The following KREMEN1 variants were observed in gnomAD, a reference collection of about 807,000 sequenced individuals.
KREMEN1 encodes the protein kremen protein 1.
Under a neutral mutation model 46.5 loss-of-function variants are expected in KREMEN1, and 30 were observed. That is an observed-to-expected ratio of 0.65 (90% CI 0.48 to 0.88). The LOEUF (loss-of-function observed/expected upper bound fraction) is 0.88. KREMEN1 is among the 40% of genes least tolerant of loss of function. The pLI is 0.00. For synonymous variants in KREMEN1, 214 were observed against 230.6 expected, an observed-to-expected ratio of 0.93 and a Z score of 0.65; for missense variants, 533 against 596.9, an observed-to-expected ratio of 0.89 and a Z score of 1.11.
chr22:29,131,777 T>G (rs2038562912), intron 5 of KREMEN1, among the ~76,000 whole-genome samples: 1 of 144,304 alleles, frequency 6.9e-6, no homozygotes, highest in Admixed American at 7.1e-5. Flanking sequence ...TGTATATATA[T>G]ATATAGTTTT....
chr22:29,158,503 G>A (rs62236944), intron 9 of KREMEN1, among the ~76,000 whole-genome samples: 3,744 of 152,316 alleles, frequency 0.025, 69 homozygotes, highest in Non-Finnish European at 0.038. Context: ...GCCACCAGCA[G>A]GGCAGCTTCA....
At chr22:29,099,783 C>T (rs1359350425) in intron 3 of KREMEN1, among the ~76,000 whole-genome samples, 2 of 152,056 alleles carry the variant, frequency 1.3e-5, no homozygotes, top group African/African-American at 2.4e-5. Flanking sequence ...CTCTTGACCT[C>T]GTGATCCGCC....
chr22:29,085,701 A>G (rs1321607878), intron 1 of KREMEN1, among the ~76,000 whole-genome samples: 1 of 152,188 alleles, frequency 6.6e-6, no homozygotes, highest in African/African-American at 2.4e-5. Context: ...TAGGCCGGGC[A>G]CAATAGCTCT....
intron 3 of KREMEN1, among the ~76,000 whole-genome samples, chr22:29,101,529 C>T (rs2037976261): frequency 6.6e-6 from 1 of 152,228 alleles, no homozygotes; most frequent in Non-Finnish European, 1.5e-5. Context: ...TCACTCACCA[C>T]TCACTCACTG....
In KREMEN1 at chr22:29,146,491, C is replaced by G. The variant is rs1351452414; in HGVS notation, c.*4379C>G. ...GGTCTTTAGACACAAAGACTGGAGGCCCTTCCCCGCCCGCACGGGAGCTGC... is the reference window on the plus strand; with the variant it reads ...GGTCTTTAGACACAAAGACTGGAGGGCCTTCCCCGCCCGCACGGGAGCTGC... On this transcript the variant is annotated 3_prime_UTR_variant, in exon 9 of 9. Coordinates refer to ENST00000400335, the MANE Select transcript of KREMEN1 (RefSeq NM_001039570.3). The G allele has an allele frequency of 2.0e-6, 2 of 985,402 alleles. No individual in the cohort carries two copies. The highest frequency in any genetic ancestry group is 4.7e-5 in the South Asian group (1 of 21,288). 61.0% of individuals were successfully genotyped at this position (985,402 alleles called of 1,614,324 possible).
intron 5 of KREMEN1, among the ~76,000 whole-genome samples, chr22:29,131,759 T>C (rs2038560798): frequency 8.5e-6 from 1 of 117,134 alleles, no homozygotes. Context: ...TATATATGTA[T>C]ATATATATGT....
At chr22:29,109,347 G>T (rs532499863) in intron 3 of KREMEN1, among the ~76,000 whole-genome samples, 1 of 152,270 alleles carries the variant, frequency 6.6e-6, no homozygotes, top group African/African-American at 2.4e-5. Context: ...GGAAGAAATA[G>T]CCCCTCAATC....
At position 29,120,466 on chromosome 22, in the gene KREMEN1, T is replaced by G. The variant is rs1348158440; in HGVS notation, c.353-891T>G. Among the ~76,000 whole-genome samples, 17 of 89,826 alleles carry G rather than the reference T, an allele frequency of 1.9e-4. 4 individuals are homozygous for G. The highest frequency in any genetic ancestry group is 3.5e-4 in the East Asian group (1 of 2,868). 58.9% of individuals were successfully genotyped at this position (89,826 alleles called of 152,430 possible). On this transcript the variant is annotated intron_variant, in intron 3 of 8. Transcript: ENST00000400335. ...GATGGAAACAGGGAGGAGGGAGACG[T>G]GATGATGGAAACAGGGAGGAAGGAG...
At chr22:29,151,827 TG>T in intron 9 of KREMEN1, among the ~76,000 whole-genome samples, 2 of 152,008 alleles carry the variant, frequency 1.3e-5, no homozygotes, top group Middle Eastern at 6.8e-3. Context: ...CTGGCCAACA[TG>T]GTGAAACCCT....
intron 2 of KREMEN1, among the ~76,000 whole-genome samples, chr22:29,098,150 C>T (rs1000685040): frequency 6.6e-6 from 1 of 151,460 alleles, no homozygotes; most frequent in African/African-American, 2.4e-5. Context: ...CACTGCACTC[C>T]AGCTCAGCCT....
chr22:29,133,303 CT>C (rs745679282), intron 5 of KREMEN1, among the ~76,000 whole-genome samples: 1,842 of 141,626 alleles, frequency 0.013, 28 homozygotes, highest in African/African-American at 0.038. Context: ...TGGTTTTCAA[CT>C]TTTTTTTTTT....
downstream of KREMEN1, among the ~76,000 whole-genome samples, chr22:29,147,842 C>T (rs1405506896): frequency 6.6e-6 from 1 of 152,206 alleles, no homozygotes; most frequent in African/African-American, 2.4e-5. Context: ...ATCCCAGTTC[C>T]ACTGTTCACC....
rs188230552 is a variant in KREMEN1, at chr22:29,102,934, G to T, written c.352+3981G>T. Among the ~76,000 whole-genome samples the T allele has an allele frequency of 1.4e-4, 22 of 152,288 alleles. 1 individual carries two copies. Among genetic ancestry groups the T allele is most frequent in the African/African-American group, 3.9e-4 (16 of 41,556 alleles). On this transcript the variant is annotated intron_variant, in intron 3 of 8. Coordinates refer to ENST00000400335, the MANE Select transcript of KREMEN1 (RefSeq NM_001039570.3). ...TTTGGAAAACCCTTCAGTTTACCCTGTGGGGACCAGGGCTCCCCATCAAGC... is the reference window on the plus strand; with the variant it reads ...TTTGGAAAACCCTTCAGTTTACCCTTTGGGGACCAGGGCTCCCCATCAAGC...
chr22:29,125,201 T>C, intron 4 of KREMEN1, 62 bp from the exon 5 acceptor site: 1 of 1,579,748 alleles, frequency 6.3e-7, no homozygotes, highest in Non-Finnish European at 8.7e-7. Context: ...CCTGCCAGGC[T>C]CCTTCAGGCC....
rs557321744 is a variant in KREMEN1, at chr22:29,106,377, C to A, written c.352+7424C>A. 2.3e-3 allele frequency among the ~76,000 whole-genome samples: 346 copies of A among 151,144 alleles called. 3 individuals carry two copies. The highest frequency in any genetic ancestry group is 8.2e-3 in the African/African-American group (335 of 41,078). On this transcript the variant is annotated intron_variant, in intron 3 of 8. Transcript: ENST00000400335. ...CTGGGACTCCAGGCGCCCGCCATCA[C>A]GCCCAGCTAATTTTTTTTTTTTTTT...
chr22:29,141,591 G>C (rs765056675), intron 8 of KREMEN1, among the ~76,000 whole-genome samples: 11 of 152,178 alleles, frequency 7.2e-5, no homozygotes, highest in Non-Finnish European at 1.6e-4. Flanking sequence ...TCTTGTTTTA[G>C]CTAGGTGGGC....
At chr22:29,118,626 A>G (rs1353913175) in intron 3 of KREMEN1, among the ~76,000 whole-genome samples, 1 of 152,086 alleles carries the variant, frequency 6.6e-6, no homozygotes, top group Non-Finnish European at 1.5e-5. Flanking sequence ...ATATAAGGGC[A>G]GTGATTCCAT....
At position 29,134,407 on chromosome 22, in the gene KREMEN1, G is replaced by A. The variant is rs541064354; in HGVS notation, c.632-2935G>A. On this transcript the variant is annotated intron_variant, in intron 5 of 8. Transcript: ENST00000400335. Reference sequence around the variant, plus strand: ...CCTAGCCTTGAGAGATCCTCCTCCCGTGGCCCCTCAAAGTGTTGGGATTAC... The same window carrying A: ...CCTAGCCTTGAGAGATCCTCCTCCCATGGCCCCTCAAAGTGTTGGGATTAC... Among the ~76,000 whole-genome samples the A allele has an allele frequency of 1.2e-3, 183 of 152,004 alleles. 1 individual carries two copies. The highest frequency in any genetic ancestry group is 0.01 in the East Asian group (52 of 5,154).
Position 29,073,366 on chromosome 22 carries a change from C to A in KREMEN1, c.97+139C>A, listed in dbSNP as rs963818616. On this transcript the variant is annotated intron_variant, in intron 1 of 8. Transcript: ENST00000400335. This position sits in a 1 kb window ranked among gnomAD's most constrained non-coding sequence, Gnocchi z 4.4. ...TTCCCCTCGCCCCTAGGCGACGCCCCTCAGGCCGGGATGGTCCCTTCCTGG... is the reference window on the plus strand; with the variant it reads ...TTCCCCTCGCCCCTAGGCGACGCCCATCAGGCCGGGATGGTCCCTTCCTGG... 8.3e-6 allele frequency: 2 copies of A among 241,966 alleles called. No individual in the cohort carries two copies. The highest frequency in any genetic ancestry group is 1.5e-5 in the Non-Finnish European group (2 of 132,528). The allele number at this position is 241,966 out of a possible 1,614,324, so 15.0% of individuals were successfully genotyped here.
Sources: allele counts gnomAD v4.1 joint callset (sites outside exome capture counted in the v4.1 genomes callset), GRCh38; gene constraint gnomAD v4.1.1; non-coding constraint Gnocchi (gnomAD v3.1); transcripts MANE v1.5; gene names NCBI Gene and HGNC (gene_info 2026-07-23, HGNC 2026-07-21).